ARL13B: variants seen among roughly 807,000 people sequenced by gnomAD.
ARL13B encodes ARF like GTPase 13B, also known as ADP-ribosylation factor-like protein 13B.
In ARL13B, 36 loss-of-function variants were observed where a neutral mutation model predicts 56.1. The observed-to-expected ratio is 0.64, with a 90% CI of 0.49 to 0.85. The LOEUF (loss-of-function observed/expected upper bound fraction) is 0.85. ARL13B is among the 40% of genes least tolerant of loss of function. ARL13B has a pLI of 0.00. For missense variants in ARL13B, 519 were observed against 507.1 expected, an observed-to-expected ratio of 1.02 and a Z score of -0.23; for synonymous variants, 178 against 171.1, an observed-to-expected ratio of 1.04 and a Z score of -0.32.
chr3:94,001,945 T>C (rs1178447593), intron 2 of ARL13B, among the ~76,000 whole-genome samples: 1 of 152,228 alleles, frequency 6.6e-6, no homozygotes, highest in East Asian at 1.9e-4. Flanking sequence ...TTTACCTTTT[T>C]CTTTTTCTAG....
intron 3 of ARL13B, among the ~76,000 whole-genome samples, chr3:94,032,492 G>A (rs1306386846): frequency 6.6e-6 from 1 of 151,988 alleles, no homozygotes; most frequent in Non-Finnish European, 1.5e-5. Context: ...ACAGTATGGA[G>A]ATTTCTTTTT....
chr3:93,993,533 G>A (rs1575938117), intron 1 of ARL13B, among the ~76,000 whole-genome samples: 1 of 152,244 alleles, frequency 6.6e-6, no homozygotes, highest in South Asian at 2.1e-4. Context: ...CAGTCCTCCT[G>A]TCTCAGCCTC....
intron 1 of ARL13B, among the ~76,000 whole-genome samples, chr3:93,986,228 A>G (rs1054482612): frequency 2.0e-5 from 3 of 152,196 alleles, no homozygotes; most frequent in African/African-American, 7.2e-5. Context: ...TTTAGAGATG[A>G]AAAAATGGAC....
chr3:94,004,821 G>C (rs978901596), intron 3 of ARL13B, among the ~76,000 whole-genome samples: 4 of 151,906 alleles, frequency 2.6e-5, no homozygotes, highest in African/African-American at 9.7e-5. Context: ...AATTAGAGAA[G>C]TTATTTGATT....
intron 3 of ARL13B, among the ~76,000 whole-genome samples, chr3:94,022,931 C>G (rs1414060368): frequency 6.6e-6 from 1 of 151,810 alleles, no homozygotes; most frequent in Non-Finnish European, 1.5e-5. Flanking sequence ...TTGAACATAT[C>G]CTCTTGACAT....
chr3:94,036,749 A>G lies in ARL13B; in HGVS notation c.684A>G (p.Glu228=), dbSNP rs532438724. The stretch of plus-strand genomic sequence containing the variant: ...CTGAACGAGTGCGAAAATTACGAGA[A>G]GAAAGGTAAGTAGATTAATTTTGTA... The part of the protein sequence containing the change: ...ERAERVRKLR[E]ERKQNEQEQA... The change falls in exon 5 of 10, where the codon GAA becomes GAG. Residue 228 remains glutamate (E), a synonymous_variant. Coordinates refer to ENST00000394222, the MANE Select transcript of ARL13B (RefSeq NM_001174150.2). 6.2e-7 allele frequency: 1 copy of G among 1,608,884 alleles called. No homozygotes were observed. Among genetic ancestry groups the G allele is most frequent in the Middle Eastern group, 1.7e-4 (1 of 6,060 alleles).
chr3:93,984,098 G>GT (rs1339499419), intron 1 of ARL13B, among the ~76,000 whole-genome samples: 2 of 152,240 alleles, frequency 1.3e-5, no homozygotes, highest in Non-Finnish European at 2.9e-5. Context: ...GCTCACGCCT[G>GT]TAGTCCCAGC....
intron 2 of ARL13B, among the ~76,000 whole-genome samples, chr3:93,997,685 T>C (rs1047259168): frequency 1.3e-5 from 2 of 152,206 alleles, no homozygotes; most frequent in Non-Finnish European, 2.9e-5. Context: ...AAAGCAGCCA[T>C]AGACCATCTG....
At chr3:94,004,389 A>G (rs1407226586) in intron 3 of ARL13B, among the ~76,000 whole-genome samples, 1 of 152,166 alleles carries the variant, frequency 6.6e-6, no homozygotes, top group African/African-American at 2.4e-5. Context: ...TTATCAAATT[A>G]GGCATACACT....
In ARL13B at chr3:94,055,130, T is replaced by C; in HGVS notation, c.*1867T>C. 2.7e-6 allele frequency: 1 copy of C among 365,802 alleles called. No homozygotes were observed. The highest frequency in any genetic ancestry group is 7.8e-5 in the East Asian group (1 of 12,784). 22.7% of individuals were successfully genotyped at this position (365,802 alleles called of 1,614,324 possible). A position where few individuals can be genotyped will look rare whatever the true frequency, so the allele number is the denominator to read the frequency against. On this transcript the variant is annotated 3_prime_UTR_variant, in exon 10 of 10. Coordinates refer to ENST00000394222, the MANE Select transcript of ARL13B (RefSeq NM_001174150.2). ...TATAGCTCTCTCAAAAATTAATTTT[T>C]ATTCCTTAAGCATTTTAAAAACATT...
At chr3:94,023,930 TTACAC>T (rs2076503270) in intron 3 of ARL13B, among the ~76,000 whole-genome samples, 1 of 152,170 alleles carries the variant, frequency 6.6e-6, no homozygotes, top group Admixed American at 6.5e-5. Context: ...ATTGATCACT[TTACAC>T]TATAAAAGAA....
At chr3:94,025,159 C>T (rs1258853297) in intron 3 of ARL13B, among the ~76,000 whole-genome samples, 1 of 151,234 alleles carries the variant, frequency 6.6e-6, no homozygotes, top group East Asian at 1.9e-4. Context: ...TGAACATGCA[C>T]CACACTTTTA....
intron 8 of ARL13B, among the ~76,000 whole-genome samples, chr3:94,049,833 C>T (rs1324643336): frequency 3.3e-5 from 5 of 151,818 alleles, no homozygotes; most frequent in African/African-American, 9.7e-5. Context: ...TTAAGTTTCA[C>T]GATGGATGGC....
chr3:93,989,030 G>A, intron 1 of ARL13B: 1 of 252,516 alleles, frequency 4.0e-6, no homozygotes. Flanking sequence ...CTGGCTACTG[G>A]CACTCCTCCC....
At chr3:93,995,726 T>G in intron 1 of ARL13B, 148 bp from the exon 2 acceptor site, 2 of 671,534 alleles carry the variant, frequency 3.0e-6, no homozygotes, top group Non-Finnish European at 5.1e-6. Context: ...CTATATTTTA[T>G]TCATCATTGT....
chr3:94,003,723 T>C lies in ARL13B; in HGVS notation c.195T>C (p.Phe65=). 1 of 1,613,682 alleles carries C rather than the reference T, an allele frequency of 6.2e-7. No individual in the cohort carries two copies. Among genetic ancestry groups the C allele is most frequent in the Non-Finnish European group, 8.5e-7 (1 of 1,179,692 alleles). Residue 65 remains phenylalanine (F), a synonymous_variant, in exon 3 of 10, where the codon TTT becomes TTC. Coordinates refer to ENST00000394222, the MANE Select transcript of ARL13B (RefSeq NM_001174150.2). ...FSKINLRQGK[F]EVTIFDLGGG... is the part of the protein sequence containing the mutation. The stretch of plus-strand genomic sequence containing the variant: ...AAATTAACCTTAGACAAGGAAAGTT[T>C]GAAGTCACCATCTTTGACTTGGGAG...
intron 1 of ARL13B, 72 bp downstream of exon 1, chr3:93,980,554 C>T: frequency 6.3e-7 from 1 of 1,579,918 alleles, no homozygotes; most frequent in Admixed American, 1.7e-5. Context: ...GAGGCGCCGC[C>T]TTTTCCCCGC....
chr3:93,988,560 G>A, intron 1 of ARL13B: 1 of 332,994 alleles, frequency 3.0e-6, no homozygotes. Flanking sequence ...CACTTACAAA[G>A]CAGTTGATAA....
At chr3:93,993,721 A>C (rs1468428151) in intron 1 of ARL13B, among the ~76,000 whole-genome samples, 1 of 152,202 alleles carries the variant, frequency 6.6e-6, no homozygotes, top group Non-Finnish European at 1.5e-5. Context: ...CATAATTATG[A>C]ATTCTTAAAA....
Sources: allele counts gnomAD v4.1 joint callset (sites outside exome capture counted in the v4.1 genomes callset), GRCh38; gene constraint gnomAD v4.1.1; transcripts MANE v1.5; gene names NCBI Gene and HGNC (gene_info 2026-07-23, HGNC 2026-07-21).